AK5: variants seen among roughly 807,000 people sequenced by gnomAD.
AK5 encodes the protein adenylate kinase isoenzyme 5.
AK5 carries 27 observed loss-of-function variants against 69.5 expected under a neutral mutation model. The ratio of observed to expected loss-of-function variants is 0.39; its 90% CI spans 0.29 to 0.54. AK5 has a LOEUF of 0.54. Among genes scored for constraint, AK5 ranks in the 20% least tolerant of loss-of-function variants. The pLI, the probability that AK5 is intolerant of heterozygous loss-of-function variation, is 0.71. For missense variants in AK5, 531 were observed against 700.4 expected, an observed-to-expected ratio of 0.76 and a Z score of 2.73; for synonymous variants, 260 against 244.4, an observed-to-expected ratio of 1.06 and a Z score of -0.60.
chr1:77,358,591 A>T (rs954907942), intron 6 of AK5, among the ~76,000 whole-genome samples: 3 of 152,206 alleles, frequency 2.0e-5, no homozygotes, highest in Admixed American at 2.0e-4. Context: ...AAACATGAAA[A>T]CATTAAGGAA....
intron 5 of AK5, among the ~76,000 whole-genome samples, chr1:77,302,756 C>A (rs750409966): frequency 2.0e-5 from 3 of 152,172 alleles, no homozygotes; most frequent in Non-Finnish European, 4.4e-5. Flanking sequence ...TCAATTCTTT[C>A]TTGAGTTAAT....
At chr1:77,533,315 T>C (rs977887371) in intron 12 of AK5, among the ~76,000 whole-genome samples, 2 of 151,844 alleles carry the variant, frequency 1.3e-5, no homozygotes, top group Non-Finnish European at 1.5e-5. Context: ...CAGGAGTTCA[T>C]GACCAGCCTG....
intron 6 of AK5, among the ~76,000 whole-genome samples, chr1:77,388,379 GCATT>G (rs1648165780): frequency 6.6e-6 from 1 of 152,184 alleles, no homozygotes; most frequent in Non-Finnish European, 1.5e-5. Context: ...GTCCCTGTAT[GCATT>G]CAATGTTAAA....
intron 10 of AK5, among the ~76,000 whole-genome samples, chr1:77,490,742 G>T (rs1417306354): frequency 1.3e-5 from 2 of 150,510 alleles, no homozygotes; most frequent in African/African-American, 4.9e-5. Flanking sequence ...GGTTCCTACA[G>T]TTTTTCACAA....
chr1:77,555,724 A>G (rs1480666078), intron 13 of AK5, among the ~76,000 whole-genome samples: 1 of 152,226 alleles, frequency 6.6e-6, no homozygotes, highest in African/African-American at 2.4e-5. Flanking sequence ...TGCCCTCCCC[A>G]CATTATGGAA....
chr1:77,505,105 A>T (rs1405020804), intron 10 of AK5, among the ~76,000 whole-genome samples: 2 of 152,312 alleles, frequency 1.3e-5, no homozygotes, highest in East Asian at 1.9e-4. Context: ...TTCCCATCAC[A>T]ATGTGTAAGA....
At chr1:77,333,181 T>G (rs1661176200) in intron 5 of AK5, among the ~76,000 whole-genome samples, 1 of 152,162 alleles carries the variant, frequency 6.6e-6, no homozygotes, top group African/African-American at 2.4e-5. Flanking sequence ...TTTAGCTTTT[T>G]CACATCTTTA....
At chr1:77,429,044 G>A (rs1361535926) in intron 8 of AK5, among the ~76,000 whole-genome samples, 1 of 152,134 alleles carries the variant, frequency 6.6e-6, no homozygotes, top group Admixed American at 6.5e-5. Context: ...ATTGTGAATA[G>A]TGCCACAATA....
At chr1:77,462,135 C>T (rs12733666) in intron 8 of AK5, among the ~76,000 whole-genome samples, 3 of 152,138 alleles carry the variant, frequency 2.0e-5, no homozygotes, top group Admixed American at 6.5e-5. Context: ...TTATCCTACT[C>T]GAAATTCATA....
intron 8 of AK5, among the ~76,000 whole-genome samples, chr1:77,457,453 A>G (rs1025200092): frequency 6.6e-6 from 1 of 152,070 alleles, no homozygotes; most frequent in African/African-American, 2.4e-5. Context: ...TAAATTTTCT[A>G]CTACCTTCTG....
At chr1:77,300,132 G>A (rs1570338077) in intron 5 of AK5, among the ~76,000 whole-genome samples, 1 of 152,262 alleles carries the variant, frequency 6.6e-6, no homozygotes, top group Non-Finnish European at 1.5e-5. Context: ...AGGTGGGAGA[G>A]GGAGGGAAGA....
intron 8 of AK5, among the ~76,000 whole-genome samples, chr1:77,468,308 A>G (rs1654267197): frequency 6.6e-6 from 1 of 152,226 alleles, no homozygotes. Flanking sequence ...CCCATATGGT[A>G]CTTTTGTGCA....
intron 13 of AK5, among the ~76,000 whole-genome samples, chr1:77,536,728 G>T (rs1170931712): frequency 1.3e-5 from 2 of 152,228 alleles, no homozygotes; most frequent in Non-Finnish European, 2.9e-5. Context: ...CTAGAGCTAA[G>T]ATTCAATGAC....
At chr1:77,307,404 T>TACACAAA (rs1268208982) in intron 5 of AK5, among the ~76,000 whole-genome samples, 1 of 151,798 alleles carries the variant, frequency 6.6e-6, no homozygotes, top group East Asian at 1.9e-4. Flanking sequence ...TCACATATAT[T>TACACAAA]TGTATTTTTT....
At chr1:77,362,867 T>A (rs914050292) in intron 6 of AK5, among the ~76,000 whole-genome samples, 2 of 152,172 alleles carry the variant, frequency 1.3e-5, no homozygotes, top group African/African-American at 4.8e-5. Flanking sequence ...GCCATGTGCA[T>A]ACCCTTTGAC....
At chr1:77,491,431 C>A (rs1051514418) in intron 10 of AK5, among the ~76,000 whole-genome samples, 2 of 151,510 alleles carry the variant, frequency 1.3e-5, no homozygotes, top group Non-Finnish European at 2.9e-5. Flanking sequence ...CTCAGCCTCC[C>A]GAGTAGCTGG....
At chr1:77,516,270 T>C (rs2100303340) in intron 10 of AK5, among the ~76,000 whole-genome samples, 1 of 152,216 alleles carries the variant, frequency 6.6e-6, no homozygotes, top group Non-Finnish European at 1.5e-5. Context: ...AAAGTCAAAT[T>C]CATGGAAGCA....
chr1:77,454,760 GTCTTACAC>G (rs77842745), intron 8 of AK5, among the ~76,000 whole-genome samples: 3,931 of 151,878 alleles, frequency 0.026, 51 homozygotes, highest in Middle Eastern at 0.083. Flanking sequence ...GATGACATTA[GTCTTACAC>G]ATTTTCTTGA....
intron 8 of AK5, among the ~76,000 whole-genome samples, chr1:77,431,561 C>G (rs1017205173): frequency 1.3e-5 from 2 of 152,136 alleles, no homozygotes; most frequent in Non-Finnish European, 2.9e-5. Context: ...GGGTAGAGAA[C>G]AATTAGGAGC....
Sources: gnomAD v4.1 joint callset for allele counts (sites outside exome capture counted in the v4.1 genomes callset) on GRCh38, gnomAD v4.1.1 for gene constraint, MANE v1.5 for transcripts, NCBI Gene and HGNC (gene_info 2026-07-23, HGNC 2026-07-21) for gene names.